The following GPT variants were observed in gnomAD, a reference collection of about 807,000 sequenced individuals.
GPT encodes the protein glutamic--pyruvic transaminase.
A neutral mutation model predicts 51.4 loss-of-function variants in GPT; 60 were observed. That is an observed-to-expected ratio of 1.17 (90% CI 0.95 to 1.45). GPT has a LOEUF of 1.45. GPT is among the 40% of genes most tolerant of loss of function. The pLI is 0.00. For synonymous variants in GPT, 397 were observed against 303.1 expected, an observed-to-expected ratio of 1.31 and a Z score of -3.22; for missense variants, 853 against 704.0, an observed-to-expected ratio of 1.21 and a Z score of -2.40.
In GPT at chr8:144,506,178, C is replaced by A; in HGVS notation, c.956+47C>A. On this transcript the variant is annotated intron_variant, in intron 7 of 10. Transcript: ENST00000394955. The surrounding 1 kb of genome is among the most constrained non-coding windows in gnomAD (Gnocchi z 7.0). ...GGGGGCTCGCGGGCCATGGCCAGGC[C>A]CTCCTCGCCCGATGGGCCACCCCCT... 6.2e-7 allele frequency: 1 copy of A among 1,602,216 alleles called. No individual in the cohort carries two copies. Among genetic ancestry groups the A allele is most frequent in the Non-Finnish European group, 8.5e-7 (1 of 1,175,220 alleles).
At position 144,504,586 on chromosome 8, in the gene GPT, G is replaced by GCTCCC. The variant is rs759462401; in HGVS notation, c.163-7_163-3dup. The stretch of plus-strand genomic sequence containing the variant: ...TAGGTAGGGCACAGTCTCCCTGCCT[G>GCTCCC]CTCCCCTCCCCTCCCAGGGTGTGAA... On this transcript the variant is annotated splice_polypyrimidine_tract_variant and intron_variant, in intron 1 of 10. Transcript: ENST00000394955. The GCTCCC allele has an allele frequency of 1.2e-6, 2 of 1,611,022 alleles. No individual in the cohort carries two copies. Among genetic ancestry groups the GCTCCC allele is most frequent in the Non-Finnish European group, 1.7e-6 (2 of 1,178,316 alleles).
chr8:144,504,934 A>T, intron 3 of GPT, 55 bp downstream of exon 3: 1 of 1,612,942 alleles, frequency 6.2e-7, no homozygotes, highest in Admixed American at 1.7e-5. Context: ...GGAGGAGGGA[A>T]GTCCCTTGGG....
chr8:144,505,494 G>C lies in GPT; in HGVS notation c.739+5G>C. On this transcript the variant is annotated splice_donor_5th_base_variant and intron_variant, in intron 5 of 10. Transcript: ENST00000394955. ...TCAACCCTGGCAACCCCACCGGTGCGTTCCCCGCCGCCCCGCCCCACTCCC... is the reference window on the plus strand; with the variant it reads ...TCAACCCTGGCAACCCCACCGGTGCCTTCCCCGCCGCCCCGCCCCACTCCC... 6.4e-7 allele frequency: 1 copy of C among 1,552,156 alleles called. No individual in the cohort carries two copies. The highest frequency in any genetic ancestry group is 8.7e-7 in the Non-Finnish European group (1 of 1,151,532).
Position 144,505,988 on chromosome 8 carries a change from C to G in GPT, c.820-7C>G, listed in dbSNP as rs1826782676. On this transcript the variant is annotated splice_region_variant and splice_polypyrimidine_tract_variant and intron_variant, in intron 6 of 10. Coordinates refer to ENST00000394955, the MANE Select transcript of GPT (RefSeq NM_005309.3). ...GTCCGCCCCCGTGACGCCTTGCGCC[C>G]TTCCAGGTGTACCAGGACAACGTGT... The G allele has an allele frequency of 6.2e-7, 1 of 1,612,368 alleles. No individual in the cohort carries two copies.
chr8:144,505,104 G>A lies in GPT; in HGVS notation c.468G>A (p.Leu156=), dbSNP rs930407725. 7 of 1,613,030 alleles carry A rather than the reference G, an allele frequency of 4.3e-6. No individual in the cohort carries two copies. Among genetic ancestry groups the A allele is most frequent in the Non-Finnish European group, 5.9e-6 (7 of 1,180,020 alleles). Residue 156 remains leucine, a synonymous_variant, in exon 4 of 11, where the codon CTG becomes CTA. Coordinates refer to ENST00000394955, the MANE Select transcript of GPT (RefSeq NM_005309.3). ...GIPADPNNVF[L]STGASDAIVT... is the part of the protein sequence containing the mutation. ...CTGCGGACCCCAACAACGTCTTCCT[G>A]TCCACAGGGGCCAGCGATGCCATCG...
chr8:144,507,107 G>A lies in GPT; in HGVS notation c.*107G>A, dbSNP rs552558111. 3.0e-4 allele frequency: 197 copies of A among 667,392 alleles called. 2 individuals carry two copies. The East Asian group carries it at 4.9e-3, about 16-fold the overall frequency. 41.3% of individuals were successfully genotyped at this position (667,392 alleles called of 1,614,324 possible). A position where few individuals can be genotyped will look rare whatever the true frequency, so the allele number is the denominator to read the frequency against. ...CTCTTGATGCCTGGCGGGGTGGGGT[G>A]GGGGGGGTGCTGGGCCCCTGCCTCT... On this transcript the variant is annotated 3_prime_UTR_variant, in exon 11 of 11. Coordinates refer to ENST00000394955, the MANE Select transcript of GPT (RefSeq NM_005309.3).
rs761951983 is a variant in GPT at position 144,506,036 on chromosome 8, C to G, written c.861C>G (p.His287Gln). 6.2e-7 allele frequency: 1 copy of G among 1,612,450 alleles called. No homozygotes were observed. Among genetic ancestry groups the G allele is most frequent in the African/African-American group, 1.3e-5 (1 of 75,054 alleles). The change falls in exon 7 of 11, where the codon CAC becomes CAG. Residue 287 changes from histidine to glutamine, a missense_variant. Physicochemically the swap from His to Gln is conservative, Grantham distance 24. Coordinates refer to ENST00000394955, the MANE Select transcript of GPT (RefSeq NM_005309.3). This position sits in a 1 kb window ranked among gnomAD's most constrained non-coding sequence, Gnocchi z 7.0. The stretch of plus-strand genomic sequence containing the variant: ...TGTACGCCGCGGGTTCGCAGTTCCA[C>G]TCATTCAAGAAGGTGCTCATGGAGA... ...DNVYAAGSQFHSFKKVLMEMG... is the reference protein window; with the variant it reads ...DNVYAAGSQFQSFKKVLMEMG...
chr8:144,504,331 C>T lies in GPT; in HGVS notation c.27C>T (p.Ser9=). 1 of 1,610,262 alleles carries T rather than the reference C, an allele frequency of 6.2e-7. No individual in the cohort carries two copies. MASSTGDR[S]QAVRHGLRAK... ...TGGCCTCGAGCACAGGTGACCGGAG[C>T]CAGGCGGTGAGGCATGGACTGAGGG... The change falls in exon 1 of 11, where the codon AGC becomes AGT. Residue 9 remains serine (S), a synonymous_variant. Coordinates refer to ENST00000394955, the MANE Select transcript of GPT (RefSeq NM_005309.3).
intron 6 of GPT, 31 bp from the exon 7 acceptor site, chr8:144,505,964 T>A (rs370056728): frequency 6.2e-7 from 1 of 1,611,930 alleles, no homozygotes; most frequent in African/African-American, 1.3e-5. Flanking sequence ...CGGGCAACAG[T>A]CCGCCCCCGT....
In GPT at chr8:144,506,413, TG is replaced by T. The variant is rs1313900524; in HGVS notation, c.1131+12del. 6.4e-6 allele frequency: 10 copies of T among 1,559,848 alleles called. No individual in the cohort carries two copies. The Middle Eastern group carries it at 6.7e-4, about 104-fold the overall frequency. On this transcript the variant is annotated splice_region_variant and intron_variant, in intron 8 of 10. Transcript: ENST00000394955. This position sits in a 1 kb window ranked among gnomAD's most constrained non-coding sequence, Gnocchi z 7.0. Reference sequence around the variant, plus strand: ...CTTTGCGCAGTTCCAGGCTGTGAGTTGGGGGCAGGAGGGGGTCCAGGTGACC... The same window carrying T: ...CTTTGCGCAGTTCCAGGCTGTGAGTTGGGGCAGGAGGGGGTCCAGGTGACC...
chr8:144,505,372 C>G lies in GPT; in HGVS notation c.622C>G (p.Leu208Val). 1 of 1,587,314 alleles carries G rather than the reference C, an allele frequency of 6.3e-7. No homozygotes were observed. The highest frequency in any genetic ancestry group is 1.8e-5 in the Admixed American group (1 of 55,996). ...GGGCGCAGTGCAGGTGGATTACTAC[C>G]TGGACGAGGAGCGTGCCTGGGCGCT... ...ELGAVQVDYYLDEERAWALDV... is the reference protein window; with the variant it reads ...ELGAVQVDYYVDEERAWALDV... The change falls in exon 5 of 11, where the codon CTG becomes GTG. Residue 208 changes from leucine to valine, a missense_variant. Leu to Val is a conservative substitution (Grantham distance 32, BLOSUM62 1). Coordinates refer to ENST00000394955, the MANE Select transcript of GPT (RefSeq NM_005309.3).
chr8:144,503,921 T>C (rs1022690382), upstream of GPT: 4 of 293,202 alleles, frequency 1.4e-5, no homozygotes, highest in South Asian at 1.3e-4. Flanking sequence ...TCCCCCCATG[T>C]CTAGTCCCTC....
chr8:144,506,404 G>C lies in GPT; in HGVS notation c.1129G>C (p.Ala377Pro). Reference protein sequence around the residue: ...PTDPSFAQFQAEKQAVLAELA... With the variant: ...PTDPSFAQFQPEKQAVLAELA... ...CGACCCCTCCTTTGCGCAGTTCCAG[G>C]CTGTGAGTTGGGGGCAGGAGGGGGT... is the stretch of plus-strand genomic sequence containing the variant. The change falls in exon 8 of 11, where the codon GCT (alanine) becomes CCT (proline). Residue 377 changes from alanine to proline, a missense_variant and splice_region_variant. Transcript: ENST00000394955. The surrounding 1 kb of genome is among the most constrained non-coding windows in gnomAD (Gnocchi z 7.0). 1 of 1,559,558 alleles carries C rather than the reference G, an allele frequency of 6.4e-7. No homozygotes were observed. Among genetic ancestry groups the C allele is most frequent in the East Asian group, 2.4e-5 (1 of 42,216 alleles).
In GPT at chr8:144,506,934, G is replaced by A. The variant is rs1277593129; in HGVS notation, c.1425G>A (p.Glu475=). The change falls in exon 11 of 11, where the codon GAG becomes GAA. Residue 475 remains glutamate, a synonymous_variant. Transcript: ENST00000394955. This position sits in a 1 kb window ranked among gnomAD's most constrained non-coding sequence, Gnocchi z 7.0. The stretch of plus-strand genomic sequence containing the variant: ...GGATGACCATTCTGCCCCCCTTGGA[G>A]AAACTGCGGCTGCTGCTGGAGAAGC... ...HFRMTILPPL[E]KLRLLLEKLS... 3.1e-6 allele frequency: 5 copies of A among 1,612,848 alleles called. No homozygotes were observed. The highest frequency in any genetic ancestry group is 4.2e-6 in the Non-Finnish European group (5 of 1,179,990).
At chr8:144,505,174 G>A (rs764402392) in intron 4 of GPT, 43 bp downstream of exon 4, 39 of 1,612,660 alleles carry the variant, frequency 2.4e-5, no homozygotes, top group African/African-American at 4.0e-5. Context: ...ACACTGCAGA[G>A]GGGGCGCCCA....
rs1433709048 is a variant in GPT at position 144,504,872 on chromosome 8, C to G, written c.354C>G (p.His118Gln). Reference protein sequence around the residue: ...AERILQACGGHSLGAYSVSSG... With the variant: ...AERILQACGGQSLGAYSVSSG... ...GCATCTTGCAGGCGTGTGGGGGCCA[C>G]AGTCTGGGTGAGAGCCAGGGCCAGG... Residue 118 changes from histidine (H) to glutamine (Q), a missense_variant, in exon 3 of 11, where the codon CAC becomes CAG. Physicochemically the swap from His to Gln is conservative, Grantham distance 24. Transcript: ENST00000394955. 4 of 1,613,116 alleles carry G rather than the reference C, an allele frequency of 2.5e-6. No individual in the cohort carries two copies. Among genetic ancestry groups the G allele is most frequent in the Non-Finnish European group, 3.4e-6 (4 of 1,180,008 alleles).
In GPT at chr8:144,505,873, C is replaced by G; in HGVS notation, c.765C>G (p.Ile255Met). ...PTGQVQTREC[I>M]EAVIRFAFEE... ...GGCAGGTGCAGACCCGCGAGTGCAT[C>G]GAGGCCGTGATCCGCTTCGCCTTCG... The change falls in exon 6 of 11, where the codon ATC becomes ATG. Residue 255 changes from isoleucine (I) to methionine (M), a missense_variant. Transcript: ENST00000394955. 6.4e-7 allele frequency: 1 copy of G among 1,563,558 alleles called. No homozygotes were observed. The highest frequency in any genetic ancestry group is 8.7e-7 in the Non-Finnish European group (1 of 1,155,142).
rs373520194 is a variant in GPT, at chr8:144,504,703, C to T, written c.252+10C>T. On this transcript the variant is annotated intron_variant, in intron 2 of 10. Coordinates refer to ENST00000394955, the MANE Select transcript of GPT (RefSeq NM_005309.3). Reference sequence around the variant, plus strand: ...CACCTTCCTGCGCCAGGTGAGGCTCCTGCACTGCCCGGAGCACCCCCCCAC... The same window carrying T: ...CACCTTCCTGCGCCAGGTGAGGCTCTTGCACTGCCCGGAGCACCCCCCCAC... The T allele has an allele frequency of 5.0e-6, 8 of 1,613,144 alleles. No homozygotes were observed. The highest frequency in any genetic ancestry group is 1.7e-5 in the Admixed American group (1 of 60,028).
At chr8:144,505,168 T>G (rs1826728375) in intron 4 of GPT, 37 bp downstream of exon 4, 1 of 1,612,776 alleles carries the variant, frequency 6.2e-7, no homozygotes. Flanking sequence ...TTCCTGACAC[T>G]GCAGAGGGGG....
Sources: gnomAD v4.1 joint callset for allele counts on GRCh38, gnomAD v4.1.1 for gene constraint, Gnocchi (gnomAD v3.1) non-coding constraint, MANE v1.5 for transcripts, NCBI Gene and HGNC (gene_info 2026-07-23, HGNC 2026-07-21) for gene names.